The following AURKA variants were observed in gnomAD, a reference collection of about 807,000 sequenced individuals.
AURKA encodes the protein aurora 2.
AURKA carries 12 observed loss-of-function variants against 40.9 expected under a neutral mutation model. The ratio of observed to expected loss-of-function variants is 0.29; its 90% CI spans 0.19 to 0.48. The LOEUF is 0.48. Among genes scored for constraint, AURKA ranks in the 20% least tolerant of loss-of-function variants. The pLI, the probability that AURKA is intolerant of heterozygous loss-of-function variation, is 0.99. For synonymous variants in AURKA, 170 were observed against 164.3 expected (o/e 1.03, Z -0.26); for missense variants, 322 against 462.1 (o/e 0.70, Z 2.78).
chr20:56,379,280 T>C (rs1009785927), intron 6 of AURKA, among the ~76,000 whole-genome samples: 2 of 152,154 alleles, frequency 1.3e-5, no homozygotes, highest in African/African-American at 4.8e-5. Context: ...TATATTGGAA[T>C]TGAATAAGTA....
At chr20:56,380,462 A>C (rs1212166007) in intron 6 of AURKA, among the ~76,000 whole-genome samples, 2 of 152,202 alleles carry the variant, frequency 1.3e-5, no homozygotes, top group African/African-American at 4.8e-5. Flanking sequence ...AGATAAAATA[A>C]ATACCCAGGA....
chr20:56,378,558 T>C (rs1260096386), intron 6 of AURKA, among the ~76,000 whole-genome samples: 1 of 152,202 alleles, frequency 6.6e-6, no homozygotes, highest in Non-Finnish European at 1.5e-5. Flanking sequence ...TTTGAAGACT[T>C]GTTTCGCAAA....
At position 56,381,560 on chromosome 20, in the gene AURKA, A is replaced by C; in HGVS notation, c.578T>G (p.Ile193Ser). 6.2e-7 allele frequency: 1 copy of C among 1,613,858 alleles called. No individual in the cohort carries two copies. Among genetic ancestry groups the C allele is most frequent in the Non-Finnish European group, 8.5e-7 (1 of 1,179,898 alleles). ...ATGGAAATAACCATACAGTCTAAGA[A>C]TATTAGGATGCCTGCAACAAAGGAT... ...EIQSHLRHPN[I>S]LRLYGYFHDA... Residue 193 changes from isoleucine (I) to serine (S), a missense_variant, in exon 6 of 9, where the codon ATT becomes AGT. By Grantham distance (142) the Ile-to-Ser change is moderately radical. Coordinates refer to ENST00000395915, the MANE Select transcript of AURKA (RefSeq NM_198437.3).
chr20:56,387,561 T>C (rs941125888), intron 2 of AURKA, among the ~76,000 whole-genome samples: 2 of 152,194 alleles, frequency 1.3e-5, no homozygotes, highest in African/African-American at 4.8e-5. Flanking sequence ...AGGGATGAGA[T>C]TTCCTTCAGC....
intron 5 of AURKA, 30 bp downstream of exon 5, chr20:56,382,955 A>G (rs1600699861): frequency 6.2e-7 from 1 of 1,611,812 alleles, no homozygotes; most frequent in East Asian, 2.2e-5. Flanking sequence ...ATTGGTGAAC[A>G]TTCTTTTGAA....
In AURKA at chr20:56,370,213, T is replaced by A; in HGVS notation, c.1157A>T (p.Asn386Ile). The change falls in exon 9 of 9, where the codon AAT (asparagine) becomes ATT (isoleucine). Residue 386 changes from asparagine to isoleucine, a missense_variant. Asn to Ile is a moderately radical substitution (Grantham distance 149). Transcript: ENST00000395915. ...TTGGCAATTTGATGGTTTTGATGAA[T>A]TTGCTGTGATCCAGGGGTGTTCAAG... ...EVLEHPWITA[N>I]SSKPSNCQNK... is the part of the protein sequence containing the mutation. The A allele has an allele frequency of 6.2e-7, 1 of 1,613,860 alleles. No individual in the cohort carries two copies. Among genetic ancestry groups the A allele is most frequent in the Non-Finnish European group, 8.5e-7 (1 of 1,179,994 alleles).
At chr20:56,386,622 T>C (rs1331826435) in intron 2 of AURKA, 89 bp from the exon 3 acceptor site, 3 of 1,446,190 alleles carry the variant, frequency 2.1e-6, no homozygotes, top group South Asian at 2.3e-5. Flanking sequence ...TTCTCTAGTA[T>C]AGCAAAATAA....
At chr20:56,388,129 A>G in intron 2 of AURKA, 27 bp downstream of exon 2, 1 of 1,613,544 alleles carries the variant, frequency 6.2e-7, no homozygotes, top group Non-Finnish European at 8.5e-7. Flanking sequence ...TATAAATGTG[A>G]ATGAGATTAC....
At chr20:56,376,515 A>G (rs1388736529) in intron 6 of AURKA, among the ~76,000 whole-genome samples, 1 of 152,224 alleles carries the variant, frequency 6.6e-6, no homozygotes, top group Admixed American at 6.5e-5. Flanking sequence ...AGATACTGAA[A>G]GTAAAATTAC....
At chr20:56,384,449 G>T (rs1414004289) in intron 3 of AURKA, 125 bp from the exon 4 acceptor site, 127 of 568,430 alleles carry the variant, frequency 2.2e-4, no homozygotes, top group Middle Eastern at 1.5e-3. Context: ...TGATAAATCT[G>T]TTTTTTTTTT....
At chr20:56,374,196 T>G (rs1444242676) in intron 6 of AURKA, among the ~76,000 whole-genome samples, 1 of 152,212 alleles carries the variant, frequency 6.6e-6, no homozygotes, top group Non-Finnish European at 1.5e-5. Context: ...GCCATGTCAA[T>G]GCAAAACACA....
chr20:56,381,363 A>G, intron 6 of AURKA, 70 bp downstream of exon 6: 1 of 1,583,308 alleles, frequency 6.3e-7, no homozygotes, highest in South Asian at 1.1e-5. Flanking sequence ...TACTATGATG[A>G]AAGGTACATT....
chr20:56,381,319 T>C, intron 6 of AURKA, 114 bp downstream of exon 6: 4 of 1,306,756 alleles, frequency 3.1e-6, no homozygotes, highest in Non-Finnish European at 4.4e-6. Context: ...ATATTTGATA[T>C]TAAGCTATCC....
chr20:56,373,099 G>A lies in AURKA; in HGVS notation c.854+309C>T, dbSNP rs1984484637. Among the ~76,000 whole-genome samples the A allele has an allele frequency of 6.6e-6, 1 of 152,096 alleles. No homozygotes were observed. Among genetic ancestry groups the A allele is most frequent in the South Asian group, 2.1e-4 (1 of 4,822 alleles). On this transcript the variant is annotated intron_variant, in intron 7 of 8. Coordinates refer to ENST00000395915, the MANE Select transcript of AURKA (RefSeq NM_198437.3). The surrounding 1 kb of genome is among the most constrained non-coding windows in gnomAD (Gnocchi z 5.0). Reference sequence around the variant, plus strand: ...GAAGAGTTCCTCCCACTCAACATGTGGGCACTTCACCTCTGTCATATACGT... The same window carrying A: ...GAAGAGTTCCTCCCACTCAACATGTAGGCACTTCACCTCTGTCATATACGT...
intron 7 of AURKA, among the ~76,000 whole-genome samples, chr20:56,371,949 C>G (rs943705185): frequency 2.0e-5 from 3 of 152,230 alleles, no homozygotes; most frequent in African/African-American, 7.2e-5. Flanking sequence ...AAAGCAGATG[C>G]AGCCCTTCTG....
intron 4 of AURKA, 71 bp downstream of exon 4, chr20:56,384,196 CCCA>C: frequency 8.0e-7 from 1 of 1,256,196 alleles, no homozygotes; most frequent in Non-Finnish European, 1.1e-6. Context: ...CCCCAGAGTT[CCCA>C]CAACGAAATT....
chr20:56,384,825 C>A (rs572976079), intron 3 of AURKA, among the ~76,000 whole-genome samples: 1 of 152,290 alleles, frequency 6.6e-6, no homozygotes, highest in African/African-American at 2.4e-5. Flanking sequence ...GCCACCAATT[C>A]AGCAAAATGC....
At chr20:56,380,557 C>A (rs187617052) in intron 6 of AURKA, among the ~76,000 whole-genome samples, 29 of 152,182 alleles carry the variant, frequency 1.9e-4, no homozygotes, top group Admixed American at 1.9e-3. Context: ...TAATTTATGG[C>A]AATACTCCAT....
chr20:56,380,059 T>A (rs1600692543), intron 6 of AURKA, among the ~76,000 whole-genome samples: 1 of 144,870 alleles, frequency 6.9e-6, no homozygotes. Context: ...AGGAACCTGG[T>A]AAAACAAAAA....
Sources: allele counts gnomAD v4.1 joint callset (sites outside exome capture counted in the v4.1 genomes callset), GRCh38; gene constraint gnomAD v4.1.1; non-coding constraint Gnocchi (gnomAD v3.1); transcripts MANE v1.5; gene names NCBI Gene and HGNC (gene_info 2026-07-23, HGNC 2026-07-21).